The following FHIT variants were observed in gnomAD, a reference collection of about 807,000 sequenced individuals.
The protein encoded by FHIT is bis(5'-adenosyl)-triphosphatase.
In FHIT, 19 loss-of-function variants were observed where a neutral mutation model predicts 17.9. That is an observed-to-expected ratio of 1.06 (90% CI 0.74 to 1.56). FHIT has a LOEUF of 1.56. FHIT is among the 40% of genes most tolerant of loss of function. The pLI is 0.00. For synonymous variants in FHIT, 81 were observed against 69.7 expected (o/e 1.16, Z -0.81); for missense variants, 248 against 189.2 (o/e 1.31, Z -1.82).
At chr3:59,777,090 C>G (rs149763630) in intron 8 of FHIT, among the ~76,000 whole-genome samples, 73 of 152,252 alleles carry the variant, frequency 4.8e-4, no homozygotes, top group African/African-American at 1.7e-3. Flanking sequence ...GCCCTGTGCA[C>G]TTGTAGTTGC....
At chr3:61,101,684 G>A (rs1232438119) in intron 2 of FHIT, among the ~76,000 whole-genome samples, 1 of 152,140 alleles carries the variant, frequency 6.6e-6, no homozygotes, top group South Asian at 2.1e-4. Context: ...TCCTATCCAT[G>A]AGCATGGAAT....
intron 3 of FHIT, among the ~76,000 whole-genome samples, chr3:60,874,524 G>C (rs890445647): frequency 6.6e-6 from 1 of 152,154 alleles, no homozygotes; most frequent in South Asian, 2.1e-4. Flanking sequence ...GCCATATGTA[G>C]TCATTAGCTT....
At chr3:60,903,354 T>G (rs1291352980) in intron 3 of FHIT, among the ~76,000 whole-genome samples, 1 of 152,204 alleles carries the variant, frequency 6.6e-6, no homozygotes, top group African/African-American at 2.4e-5. Context: ...CATTTAACAT[T>G]CTAAATATCA....
chr3:60,474,693 G>T (rs183841877), intron 5 of FHIT, among the ~76,000 whole-genome samples: 1 of 150,948 alleles, frequency 6.6e-6, no homozygotes, highest in Non-Finnish European at 1.5e-5. Flanking sequence ...GCACAATCTC[G>T]GCTCACCACA....
chr3:60,107,266 A>C (rs1272592294), intron 5 of FHIT, among the ~76,000 whole-genome samples: 1 of 150,700 alleles, frequency 6.6e-6, no homozygotes. Flanking sequence ...ATCCTGTTAC[A>C]GATAGCTTTT....
At chr3:61,141,065 A>G (rs556643148) in intron 2 of FHIT, among the ~76,000 whole-genome samples, 1 of 152,310 alleles carries the variant, frequency 6.6e-6, no homozygotes, top group East Asian at 1.9e-4. Context: ...ACATATGTTC[A>G]ACACACCCAG....
chr3:60,172,682 AAACTT>A (rs1273089947), intron 5 of FHIT, among the ~76,000 whole-genome samples: 7 of 152,126 alleles, frequency 4.6e-5, no homozygotes, highest in African/African-American at 1.7e-4. Context: ...GTAGTGGAAA[AAACTT>A]AGTATATGTG....
At chr3:60,666,194 T>C (rs1215508598) in intron 4 of FHIT, among the ~76,000 whole-genome samples, 1 of 152,198 alleles carries the variant, frequency 6.6e-6, no homozygotes, top group Non-Finnish European at 1.5e-5. Context: ...CAATGTTCTT[T>C]CTTCCTTCCT....
intron 2 of FHIT, among the ~76,000 whole-genome samples, chr3:61,196,764 A>G (rs570041531): frequency 3.1e-4 from 47 of 152,292 alleles, no homozygotes; most frequent in African/African-American, 1.1e-3. Flanking sequence ...CAGTAGAAAA[A>G]GCTGTAGCCG....
intron 2 of FHIT, among the ~76,000 whole-genome samples, chr3:61,164,919 C>CT (rs2037792934): frequency 6.6e-6 from 1 of 152,204 alleles, no homozygotes; most frequent in African/African-American, 2.4e-5. Context: ...CATTAATGCA[C>CT]TTAGGATAAT....
At chr3:60,485,294 C>G (rs533741212) in intron 5 of FHIT, among the ~76,000 whole-genome samples, 1 of 152,286 alleles carries the variant, frequency 6.6e-6, no homozygotes, top group South Asian at 2.1e-4. Context: ...CCAGCAATCC[C>G]ATTACCAGGT....
At chr3:59,821,544 A>T (rs1700788648) in intron 8 of FHIT, among the ~76,000 whole-genome samples, 1 of 152,152 alleles carries the variant, frequency 6.6e-6, no homozygotes. Context: ...AACTGGAATC[A>T]CCTCTGCCTT....
At chr3:60,957,681 C>A (rs1462266802) in intron 3 of FHIT, among the ~76,000 whole-genome samples, 1 of 152,230 alleles carries the variant, frequency 6.6e-6, no homozygotes, top group Non-Finnish European at 1.5e-5. Context: ...CTGGGAGACA[C>A]AGAAGTCATA....
chr3:60,493,720 A>G (rs1393196749), intron 5 of FHIT, among the ~76,000 whole-genome samples: 1 of 152,216 alleles, frequency 6.6e-6, no homozygotes, highest in African/African-American at 2.4e-5. Flanking sequence ...AATGTTGAAC[A>G]AAGTTCAATA....
At chr3:60,082,040 CTCA>C (rs573371103) in intron 5 of FHIT, among the ~76,000 whole-genome samples, 125 of 151,974 alleles carry the variant, frequency 8.2e-4, no homozygotes, top group Middle Eastern at 3.4e-3. Context: ...TTGCATGATG[CTCA>C]TGTTTGGGGT....
chr3:60,174,000 G>A (rs1167331394), intron 5 of FHIT, among the ~76,000 whole-genome samples: 10 of 143,094 alleles, frequency 7.0e-5, no homozygotes, highest in Non-Finnish European at 1.1e-4. Flanking sequence ...TGCAACCTCC[G>A]CCTCCTGGGT....
intron 3 of FHIT, among the ~76,000 whole-genome samples, chr3:61,008,125 TAGGG>T (rs2031569605): frequency 4.6e-5 from 7 of 152,304 alleles, no homozygotes; most frequent in African/African-American, 1.7e-4. Context: ...TCTCCAGTTC[TAGGG>T]AATTCAACCA....
chr3:60,178,685 T>A (rs1324774992), intron 5 of FHIT, among the ~76,000 whole-genome samples: 1 of 152,288 alleles, frequency 6.6e-6, no homozygotes, highest in Admixed American at 6.5e-5. Context: ...TTACTCACTA[T>A]TTAAACTACG....
intron 5 of FHIT, among the ~76,000 whole-genome samples, chr3:60,109,810 C>A (rs1202648914): frequency 3.3e-5 from 5 of 152,094 alleles, no homozygotes; most frequent in Non-Finnish European, 5.9e-5. Flanking sequence ...TCTTTACAGC[C>A]CAGTTTCTCC....
Sources: gnomAD v4.1 joint callset for allele counts (sites outside exome capture counted in the v4.1 genomes callset) on GRCh38, gnomAD v4.1.1 for gene constraint, MANE v1.5 for transcripts, NCBI Gene and HGNC (gene_info 2026-07-23, HGNC 2026-07-21) for gene names.